ADGRL3: variants seen among roughly 807,000 people sequenced by gnomAD.
ADGRL3 encodes the protein adhesion G protein-coupled receptor L3.
Under a neutral mutation model 153.5 loss-of-function variants are expected in ADGRL3, and 62 were observed. That is an observed-to-expected ratio of 0.40 (90% CI 0.33 to 0.50). The LOEUF is 0.50. Ranked by LOEUF, ADGRL3 falls within the 20% of genes least tolerant of loss-of-function variation. ADGRL3 has a pLI of 0.47. For missense variants in ADGRL3, 1,641 were observed against 1,859.4 expected (o/e 0.88, Z 2.16); for synonymous variants, 710 against 672.5 (o/e 1.06, Z -0.86).
chr4:61,788,606 T>C (rs1166460932), intron 8 of ADGRL3, among the ~76,000 whole-genome samples: 1 of 152,148 alleles, frequency 6.6e-6, no homozygotes, highest in Non-Finnish European at 1.5e-5. Flanking sequence ...AAAACAATTC[T>C]GGTAATTTAA....
intron 3 of ADGRL3, among the ~76,000 whole-genome samples, chr4:61,499,981 C>T (rs1447437496): frequency 1.1e-5 from 1 of 92,906 alleles, no homozygotes; most frequent in African/African-American, 3.5e-5. Flanking sequence ...AAATCACACA[C>T]ACACAGACAC....
At chr4:61,920,358 T>G (rs1466421743) in intron 13 of ADGRL3, among the ~76,000 whole-genome samples, 1 of 152,214 alleles carries the variant, frequency 6.6e-6, no homozygotes, top group Non-Finnish European at 1.5e-5. Flanking sequence ...CATTAACTTT[T>G]TTGGTACAGG....
At chr4:61,606,786 C>G (rs1470387386) in intron 5 of ADGRL3, among the ~76,000 whole-genome samples, 3 of 152,050 alleles carry the variant, frequency 2.0e-5, no homozygotes, top group East Asian at 3.9e-4. Context: ...AGGAGAGTCC[C>G]TGTCTTGCAT....
intron 21 of ADGRL3, among the ~76,000 whole-genome samples, chr4:62,024,074 T>C (rs971204127): frequency 2.6e-5 from 4 of 152,194 alleles, no homozygotes; most frequent in African/African-American, 9.6e-5. Context: ...TATTAATATA[T>C]TGAGTTAAAG....
chr4:61,912,012 C>G (rs1194863543), intron 12 of ADGRL3, among the ~76,000 whole-genome samples: 1 of 152,216 alleles, frequency 6.6e-6, no homozygotes, highest in East Asian at 1.9e-4. Context: ...AGACATCACT[C>G]TCTATGCAAA....
At chr4:62,019,478 G>A (rs921572199) in intron 21 of ADGRL3, among the ~76,000 whole-genome samples, 5 of 151,878 alleles carry the variant, frequency 3.3e-5, no homozygotes, top group Admixed American at 1.3e-4. Context: ...TTTTTATTTT[G>A]TGATGTAGCT....
intron 9 of ADGRL3, among the ~76,000 whole-genome samples, chr4:61,840,317 T>G (rs910216735): frequency 4.6e-5 from 7 of 152,078 alleles, no homozygotes; most frequent in Admixed American, 4.6e-4. Context: ...TGACCTCAAG[T>G]GATTCACCTG....
At chr4:61,329,271 T>A (rs2095524881) in intron 1 of ADGRL3, among the ~76,000 whole-genome samples, 1 of 152,150 alleles carries the variant, frequency 6.6e-6, no homozygotes, top group South Asian at 2.1e-4. Context: ...AAAAGATATA[T>A]TTAGATGGTT....
intron 1 of ADGRL3, among the ~76,000 whole-genome samples, chr4:61,366,187 T>G (rs1282785305): frequency 6.6e-6 from 1 of 152,198 alleles, no homozygotes; most frequent in Non-Finnish European, 1.5e-5. Context: ...AAAATAAGCA[T>G]TCTCTTTCCA....
chr4:61,730,876 A>G (rs1057059790), intron 7 of ADGRL3, among the ~76,000 whole-genome samples: 1 of 151,822 alleles, frequency 6.6e-6, no homozygotes, highest in East Asian at 1.9e-4. Flanking sequence ...TTTATTTTTG[A>G]GTAGTTAGAA....
At chr4:61,886,218 A>G (rs1184733567) in intron 9 of ADGRL3, among the ~76,000 whole-genome samples, 1 of 152,230 alleles carries the variant, frequency 6.6e-6, no homozygotes, top group African/African-American at 2.4e-5. Flanking sequence ...TTTAAAAACT[A>G]GATGTAATCA....
chr4:61,440,344 G>A (rs1055579203), intron 2 of ADGRL3, among the ~76,000 whole-genome samples: 2 of 152,088 alleles, frequency 1.3e-5, no homozygotes, highest in East Asian at 1.9e-4. Flanking sequence ...CACTGCACCC[G>A]GCCTATATTG....
chr4:61,697,289 G>C (rs1457584103), intron 6 of ADGRL3, among the ~76,000 whole-genome samples: 3 of 152,052 alleles, frequency 2.0e-5, no homozygotes, highest in Non-Finnish European at 4.4e-5. Context: ...GGACAGGCAT[G>C]GTGGCACATG....
At chr4:61,626,887 G>A (rs1005355938) in intron 5 of ADGRL3, among the ~76,000 whole-genome samples, 2 of 152,052 alleles carry the variant, frequency 1.3e-5, no homozygotes, top group African/African-American at 4.8e-5. Flanking sequence ...TAGAGGTAGT[G>A]CACAGTTGTA....
At chr4:61,416,966 A>T (rs2097150862) in intron 2 of ADGRL3, among the ~76,000 whole-genome samples, 1 of 152,130 alleles carries the variant, frequency 6.6e-6, no homozygotes, top group Non-Finnish European at 1.5e-5. Flanking sequence ...ATAGTGACAG[A>T]TCATCAGGCA....
intron 8 of ADGRL3, among the ~76,000 whole-genome samples, chr4:61,759,303 G>T (rs1415209368): frequency 6.6e-6 from 1 of 152,100 alleles, no homozygotes; most frequent in Non-Finnish European, 1.5e-5. Flanking sequence ...TCACTTTCAG[G>T]TACACCAATC....
chr4:62,020,854 A>C (rs2099234604), intron 21 of ADGRL3, among the ~76,000 whole-genome samples: 1 of 152,060 alleles, frequency 6.6e-6, no homozygotes, highest in African/African-American at 2.4e-5. Context: ...TGTAAACTAA[A>C]GTACTTTGGT....
At chr4:61,299,124 A>G (rs1259801973) in intron 1 of ADGRL3, among the ~76,000 whole-genome samples, 1 of 151,964 alleles carries the variant, frequency 6.6e-6, no homozygotes, top group Non-Finnish European at 1.5e-5. Context: ...TTTCCCCTCC[A>G]TCTTTCTCTC....
chr4:61,243,744 C>T (rs1024566410), intron 1 of ADGRL3, among the ~76,000 whole-genome samples: 3 of 151,950 alleles, frequency 2.0e-5, no homozygotes, highest in Admixed American at 2.0e-4. Flanking sequence ...CATGTTTGTA[C>T]TAGTGGACCT....
Sources: gnomAD v4.1 joint callset for allele counts (sites outside exome capture counted in the v4.1 genomes callset) on GRCh38, gnomAD v4.1.1 for gene constraint, MANE v1.5 for transcripts, NCBI Gene and HGNC (gene_info 2026-07-23, HGNC 2026-07-21) for gene names.